Variants in GRSF1 observed in about 807,000 individuals in gnomAD.
GRSF1 encodes the protein G-rich sequence factor 1.
GRSF1 carries 50 observed loss-of-function variants against 51.1 expected under a neutral mutation model. The observed-to-expected ratio is 0.98, with a 90% CI of 0.78 to 1.24. GRSF1 has a LOEUF of 1.24. GRSF1 is among the 50% of genes most tolerant of loss of function. GRSF1 has a pLI of 0.00. For synonymous variants in GRSF1, 293 were observed against 253.3 expected (o/e 1.16, Z -1.49); for missense variants, 700 against 639.7 (o/e 1.09, Z -1.02).
rs1186982039 is a variant in GRSF1, at chr4:70,830,462, A to C, written c.950+1077T>G. ...CCTGTGTCTTAAAAAAAAAAAAAAAACACACACACACACAGAGAATTATGG... is the reference window on the plus strand; with the variant it reads ...CCTGTGTCTTAAAAAAAAAAAAAAACCACACACACACACAGAGAATTATGG... On this transcript the variant is annotated intron_variant, in intron 5 of 9. Coordinates refer to ENST00000254799, the MANE Select transcript of GRSF1 (RefSeq NM_002092.4). Among the ~76,000 whole-genome samples the C allele has an allele frequency of 2.7e-5, 4 of 148,106 alleles. No individual in the cohort carries two copies. The East Asian group carries it at 8.1e-4, about 30-fold the overall frequency.
chr4:70,837,563 CAAAAAA>C (rs11419852), intron 1 of GRSF1, among the ~76,000 whole-genome samples: 1 of 89,106 alleles, frequency 1.1e-5, no homozygotes, highest in African/African-American at 4.5e-5. Context: ...GACTCCGTCT[CAAAAAA>C]AAAAAAAAAA....
rs1218516633 is a variant in GRSF1 at position 70,839,497 on chromosome 4, C to A, written c.331G>T (p.Ala111Ser). 2 of 1,417,186 alleles carry A rather than the reference C, an allele frequency of 1.4e-6. No individual in the cohort carries two copies. Among genetic ancestry groups the A allele is most frequent in the South Asian group, 2.9e-5 (2 of 70,012 alleles). The allele number at this position is 1,417,186 out of a possible 1,614,324, so 87.8% of individuals were successfully genotyped here. Residue 111 changes from alanine (A) to serine (S), a missense_variant, in exon 1 of 10, where the codon GCC (alanine) becomes TCC (serine). Coordinates refer to ENST00000254799, the MANE Select transcript of GRSF1 (RefSeq NM_002092.4). ...LLPQSLAAAA[A>S]VPTRSYSQES... ...TGGCTGTAGCTGCGCGTCGGGACGG[C>A]GGCCGCCGCCGCCAGCGACTGCGGC...
rs11419852 is a variant in GRSF1 at position 70,837,563 on chromosome 4, C to CAAAAA, written c.358-1254_358-1250dup. ...TGGGCAACAGAGCAAGACTCCGTCT[C>CAAAAA]AAAAAAAAAAAAAAAAAAAGACTTG... On this transcript the variant is annotated intron_variant, in intron 1 of 9. Coordinates refer to ENST00000254799, the MANE Select transcript of GRSF1 (RefSeq NM_002092.4). Among the ~76,000 whole-genome samples the CAAAAA allele has an allele frequency of 1.4e-3, 123 of 89,074 alleles. 3 individuals carry two copies. The highest frequency in any genetic ancestry group is 4.9e-3 in the African/African-American group (107 of 22,032). 58.4% of individuals were successfully genotyped at this position (89,074 alleles called of 152,430 possible).
At chr4:70,822,583 CAAAA>C (rs749025985) in intron 9 of GRSF1, among the ~76,000 whole-genome samples, 2 of 20,520 alleles carry the variant, frequency 9.7e-5, no homozygotes, top group African/African-American at 2.3e-4. Flanking sequence ...GATTTCATAT[CAAAA>C]AAAAAAAAAA....
At chr4:70,827,816 A>T (rs1733795630) in intron 6 of GRSF1, 36 bp downstream of exon 6, 1 of 1,445,436 alleles carries the variant, frequency 6.9e-7, no homozygotes, top group Admixed American at 2.1e-5. Flanking sequence ...CATTCAAGAT[A>T]GACCCAATGA....
intron 6 of GRSF1, 141 bp downstream of exon 6, chr4:70,827,711 A>G (rs1046502820): frequency 6.4e-6 from 4 of 626,524 alleles, no homozygotes; most frequent in South Asian, 4.0e-5. Flanking sequence ...CCCAGGAGGT[A>G]GAGGCTGCAG....
In GRSF1 at chr4:70,831,530, T is replaced by C. The variant is rs1322641413; in HGVS notation, c.950+9A>G. 3.7e-6 allele frequency: 6 copies of C among 1,612,372 alleles called. No individual in the cohort carries two copies. The South Asian group carries it at 6.6e-5, about 18-fold the overall frequency. ...ACACTTCTGCATCATTAGTATCTGC[T>C]TTACTCACCGATTACCAATTTCTTC... On this transcript the variant is annotated intron_variant, in intron 5 of 9. Transcript: ENST00000254799.
Position 70,834,404 on chromosome 4 carries a change from TAA to T in GRSF1, c.515-1133_515-1132del, listed in dbSNP as rs1365532636. ...TTCTATTGTAAATGTCTGTATTACA[TAA>T]AGAGTCACCCTTAATTCCATATTTC... On this transcript the variant is annotated intron_variant, in intron 2 of 9. Coordinates refer to ENST00000254799, the MANE Select transcript of GRSF1 (RefSeq NM_002092.4). Among the ~76,000 whole-genome samples the T allele has an allele frequency of 5.3e-5, 8 of 152,238 alleles. No individual in the cohort carries two copies. In the South Asian group the frequency reaches 6.2e-4, roughly 12 times the overall value.
At chr4:70,824,423 A>G in intron 8 of GRSF1, 55 bp from the exon 9 acceptor site, 1 of 899,198 alleles carries the variant, frequency 1.1e-6, no homozygotes, top group Non-Finnish European at 1.8e-6. Context: ...GAAAAATATT[A>G]CAGCCATTTT....
At chr4:70,841,324 A>G (rs1195291161), upstream of GRSF1, among the ~76,000 whole-genome samples, 2 of 152,318 alleles carry the variant, frequency 1.3e-5, no homozygotes, top group Admixed American at 6.5e-5. Flanking sequence ...TTATGTACTG[A>G]TAATACATAA....
chr4:70,825,083 C>CA (rs904308727), intron 8 of GRSF1, among the ~76,000 whole-genome samples: 32 of 142,190 alleles, frequency 2.3e-4, no homozygotes, highest in African/African-American at 5.2e-4. Context: ...GCGTGGGTGA[C>CA]AAAAAAAAAA....
intron 1 of GRSF1, chr4:70,839,266 C>G (rs933564528): frequency 1.7e-5 from 26 of 1,487,930 alleles, no homozygotes; most frequent in Non-Finnish European, 2.2e-5. Context: ...GAGAACAAAA[C>G]AAGCAGAAGA....
intron 1 of GRSF1, 122 bp from the exon 2 acceptor site, chr4:70,836,436 G>C: frequency 1.4e-6 from 1 of 722,008 alleles, no homozygotes; most frequent in Non-Finnish European, 2.1e-6. Flanking sequence ...GAAGCAAAAA[G>C]TAAACTTCAC....
intron 8 of GRSF1, among the ~76,000 whole-genome samples, 174 bp from the exon 9 acceptor site, chr4:70,824,542 T>C (rs892640299): frequency 6.6e-6 from 1 of 152,080 alleles, no homozygotes; most frequent in Non-Finnish European, 1.5e-5. Flanking sequence ...CCCAGTACTT[T>C]GGGAAGCCGA....
chr4:70,836,120 GA>G lies in GRSF1; in HGVS notation c.514+37del, dbSNP rs551288579. The stretch of plus-strand genomic sequence containing the variant: ...ACCTGCTTGTGAGAAACAATATAAG[GA>G]AAAAAAATAAATAAATAAAACATAC... On this transcript the variant is annotated intron_variant, in intron 2 of 9. Transcript: ENST00000254799. 703 of 1,219,622 alleles carry G rather than the reference GA, an allele frequency of 5.8e-4. 1 individual carries two copies. Among genetic ancestry groups the G allele is most frequent in the Non-Finnish European group, 7.1e-4 (646 of 913,760 alleles). The allele number at this position is 1,219,622 out of a possible 1,614,324, so 75.6% of individuals were successfully genotyped here. A position where few individuals can be genotyped will look rare whatever the true frequency, so the allele number is the denominator to read the frequency against.
intron 4 of GRSF1, 110 bp from the exon 5 acceptor site, chr4:70,831,784 CTGAATACAT>C: frequency 1.1e-6 from 1 of 919,888 alleles, no homozygotes; most frequent in South Asian, 1.8e-5. Context: ...AGTCCCAAAA[CTGAATACAT>C]GCTTGACAGG....
intron 5 of GRSF1, among the ~76,000 whole-genome samples, chr4:70,829,207 A>C (rs1733861526): frequency 6.6e-6 from 1 of 152,122 alleles, no homozygotes; most frequent in South Asian, 2.1e-4. Context: ...CCTTTTTCTT[A>C]ACATGGCCTT....
chr4:70,837,645 TTTC>T (rs1290709844), intron 1 of GRSF1, among the ~76,000 whole-genome samples: 2 of 151,826 alleles, frequency 1.3e-5, no homozygotes, highest in Non-Finnish European at 2.9e-5. Flanking sequence ...TTTCTTTTCT[TTTC>T]TTTTTTCTTG....
chr4:70,841,124 C>T (rs1413405815), upstream of GRSF1, among the ~76,000 whole-genome samples: 3 of 151,792 alleles, frequency 2.0e-5, no homozygotes, highest in South Asian at 4.2e-4. Flanking sequence ...AGGGAGACCC[C>T]GTCTATACAA....
Sources: gnomAD v4.1 joint callset for allele counts (sites outside exome capture counted in the v4.1 genomes callset) on GRCh38, gnomAD v4.1.1 for gene constraint, MANE v1.5 for transcripts, NCBI Gene and HGNC (gene_info 2026-07-23, HGNC 2026-07-21) for gene names.